The following TJP3 variants were observed in gnomAD, a reference collection of about 807,000 sequenced individuals.
TJP3 encodes tight junction protein ZO-3.
A neutral mutation model predicts 104.2 loss-of-function variants in TJP3; 85 were observed. The ratio of observed to expected loss-of-function variants is 0.82; its 90% CI spans 0.68 to 0.98. The LOEUF is 0.98. Among genes scored for constraint, TJP3 ranks in the 50% least tolerant of loss-of-function variants. The pLI is 0.00. For synonymous variants in TJP3, 550 were observed against 550.6 expected (o/e 1.00, Z 0.02); for missense variants, 1,367 against 1,322.8 (o/e 1.03, Z -0.52).
chr19:3,732,018 G>A lies in TJP3; in HGVS notation c.697G>A (p.Glu233Lys), dbSNP rs267605410. The A allele has an allele frequency of 6.2e-7, 1 of 1,612,954 alleles. No homozygotes were observed. The highest frequency in any genetic ancestry group is 8.5e-7 in the Non-Finnish European group (1 of 1,179,720). ...GGCTGCCCGGCACCGTGGGCTGCAG[G>A]AAGGAGATCTCATTCTACAGGTGAG... ...GLAARHRGLQ[E>K]GDLILQINGV... Residue 233 changes from glutamate to lysine, a missense_variant, in exon 6 of 21, where the codon GAA becomes AAA. Coordinates refer to ENST00000541714, the MANE Select transcript of TJP3 (RefSeq NM_001267560.2).
Position 3,734,426 on chromosome 19 carries a change from A to G in TJP3, c.977A>G (p.Asp326Gly). The part of the protein sequence containing the change: ...AQRSPEASQT[D>G]SPVESPRLRR... ...CGGAGCCCCGAGGCCAGCCAGACCG[A>G]CTCTCCCGTGTAAGTATCACCCATC... Residue 326 changes from aspartate to glycine, a missense_variant, in exon 8 of 21, where the codon GAC (aspartate) becomes GGC (glycine). Physicochemically the swap from Asp to Gly is moderately conservative, Grantham distance 94. Transcript: ENST00000541714. The G allele has an allele frequency of 6.2e-7, 1 of 1,606,768 alleles. No individual in the cohort carries two copies. Among genetic ancestry groups the G allele is most frequent in the Non-Finnish European group, 8.5e-7 (1 of 1,177,810 alleles).
Position 3,738,671 on chromosome 19 carries a change from C to T in TJP3, c.1393+8C>T, listed in dbSNP as rs146425324. ...CGCAGAGGAAGCAGGACAGTGAGTGCGCGTGGATATGGGTGTGCCTGTGTG... is the reference window on the plus strand; with the variant it reads ...CGCAGAGGAAGCAGGACAGTGAGTGTGCGTGGATATGGGTGTGCCTGTGTG... On this transcript the variant is annotated splice_region_variant and intron_variant, in intron 12 of 20. Coordinates refer to ENST00000541714, the MANE Select transcript of TJP3 (RefSeq NM_001267560.2). The T allele has an allele frequency of 8.9e-5, 143 of 1,609,516 alleles. 1 individual carries two copies. The East Asian group carries it at 2.5e-3, about 28-fold the overall frequency.
At chr19:3,717,839 G>T (rs1408818407) in intron 1 of TJP3, among the ~76,000 whole-genome samples, 1 of 150,770 alleles carries the variant, frequency 6.6e-6, no homozygotes, top group Non-Finnish European at 1.5e-5. Flanking sequence ...AGCCTCCACC[G>T]CCTGGGCTCA....
chr19:3,724,685 T>A (rs1018534760), intron 1 of TJP3, among the ~76,000 whole-genome samples: 12 of 152,146 alleles, frequency 7.9e-5, no homozygotes, highest in African/African-American at 2.9e-4. Flanking sequence ...CACAGGTGCA[T>A]GCCACCATGC....
At position 3,748,095 on chromosome 19, in the gene TJP3, G is replaced by A. The variant is rs751862731; in HGVS notation, c.2610+14G>A. 4.5e-6 allele frequency: 7 copies of A among 1,539,946 alleles called. No homozygotes were observed. The highest frequency in any genetic ancestry group is 2.7e-5 in the African/African-American group (2 of 73,170). On this transcript the variant is annotated intron_variant, in intron 19 of 20. Transcript: ENST00000541714. ...CAGGGGGCCCAGGTGCGTCGGACAT[G>A]GGGGGCAGGCCTGGGAAGGGTCTCC...
At position 3,736,293 on chromosome 19, in the gene TJP3, G is replaced by T; in HGVS notation, c.1256G>T (p.Gly419Val). 1 of 1,538,490 alleles carries T rather than the reference G, an allele frequency of 6.5e-7. No homozygotes were observed. Reference protein sequence around the residue: ...VQAGSPADGQGIQEGDQILQV... With the variant: ...VQAGSPADGQVIQEGDQILQV... Reference sequence around the variant, plus strand: ...GCGGGCAGCCCGGCCGACGGGCAGGGCATCCAGGAGGGAGATCAGATTCTG... The same window carrying T: ...GCGGGCAGCCCGGCCGACGGGCAGGTCATCCAGGAGGGAGATCAGATTCTG... The change falls in exon 11 of 21, where the codon GGC becomes GTC. Residue 419 changes from glycine (G) to valine (V), a missense_variant. Coordinates refer to ENST00000541714, the MANE Select transcript of TJP3 (RefSeq NM_001267560.2).
Position 3,736,142 on chromosome 19 carries a change from C to G in TJP3, c.1128-23C>G, listed in dbSNP as rs2036735771. ...CTTTGTCCGCCCACTCTGCTCTGAC[C>G]CCATCTCTGCCTCCCCTTGCAGGTA... On this transcript the variant is annotated intron_variant, in intron 10 of 20. Coordinates refer to ENST00000541714, the MANE Select transcript of TJP3 (RefSeq NM_001267560.2). 6 of 1,570,466 alleles carry G rather than the reference C, an allele frequency of 3.8e-6. No individual in the cohort carries two copies. The East Asian group carries it at 1.1e-4, about 29-fold the overall frequency.
At position 3,736,652 on chromosome 19, in the gene TJP3, C is replaced by T. The variant is rs150648143; in HGVS notation, c.1284+331C>T. Among the ~76,000 whole-genome samples the T allele has an allele frequency of 3.9e-3, 579 of 149,510 alleles. 1 individual carries two copies. Among genetic ancestry groups the T allele is most frequent in the African/African-American group, 0.013 (544 of 40,684 alleles). On this transcript the variant is annotated intron_variant, in intron 11 of 20. Coordinates refer to ENST00000541714, the MANE Select transcript of TJP3 (RefSeq NM_001267560.2). ...GTGCAATGGTGTGATCTTGGCTCAC[C>T]GCAACCTCTGCCTCCCAGGTTCAAG...
chr19:3,721,617 G>C (rs2036542542), intron 1 of TJP3: 1 of 286,064 alleles, frequency 3.5e-6, no homozygotes, highest in Non-Finnish European at 6.5e-6. Flanking sequence ...TGGAGTTTCC[G>C]CCTCAGGACC....
chr19:3,724,234 C>T (rs544752087), intron 1 of TJP3, among the ~76,000 whole-genome samples: 48 of 151,820 alleles, frequency 3.2e-4, no homozygotes, highest in Non-Finnish European at 2.4e-4. Context: ...TTCCCTCTGT[C>T]GCCCAGGCTG....
chr19:3,721,962 TGG>T, intron 1 of TJP3: 1 of 448,864 alleles, frequency 2.2e-6, no homozygotes, highest in Non-Finnish European at 3.5e-6. Flanking sequence ...TGAGGTGGGG[TGG>T]GGGGAAAGCA....
rs149440570 is a variant in TJP3, at chr19:3,747,984, C to T, written c.2513C>T (p.Pro838Leu). 413 of 1,611,884 alleles carry T rather than the reference C, an allele frequency of 2.6e-4. 3 individuals are homozygous for T. In the African/African-American group the frequency reaches 4.8e-3, roughly 19 times the overall value. ...TACACGGATGTGGATGATGAGCCCC[C>T]GGCTCCAGCCCTGGCCCGGTCCTCG... ...GPYTDVDDEPPAPALARSSEP... is the reference protein window; with the variant it reads ...GPYTDVDDEPLAPALARSSEP... Residue 838 changes from proline (P) to leucine (L), a missense_variant, in exon 19 of 21, where the codon CCG (proline) becomes CTG (leucine). Coordinates refer to ENST00000541714, the MANE Select transcript of TJP3 (RefSeq NM_001267560.2).
Position 3,747,958 on chromosome 19 carries a change from C to G in TJP3, c.2487C>G (p.Pro829=). The G allele has an allele frequency of 6.2e-7, 1 of 1,612,970 alleles. No homozygotes were observed. The highest frequency in any genetic ancestry group is 8.5e-7 in the Non-Finnish European group (1 of 1,179,814). The change falls in exon 19 of 21, where the codon CCC becomes CCG. Residue 829 remains proline (P), a synonymous_variant. Coordinates refer to ENST00000541714, the MANE Select transcript of TJP3 (RefSeq NM_001267560.2). ...GCTACACAGACGGCGAGGGGGGGCC[C>G]TACACGGATGTGGATGATGAGCCCC... ...GEGYTDGEGG[P]YTDVDDEPPA... is the part of the protein sequence containing the mutation.
rs1416580622 is a variant in TJP3, at chr19:3,728,859, C to A, written c.158+146C>A. 4.5e-5 allele frequency: 36 copies of A among 805,630 alleles called. 1 individual carries two copies. The highest frequency in any genetic ancestry group is 7.2e-4 in the Middle Eastern group (2 of 2,764). The allele number at this position is 805,630 out of a possible 1,614,324, so 49.9% of individuals were successfully genotyped here. On this transcript the variant is annotated intron_variant, in intron 3 of 20. Coordinates refer to ENST00000541714, the MANE Select transcript of TJP3 (RefSeq NM_001267560.2). ...CCTGAGTTCAGGAGTTTGAGACCAG[C>A]CTGGCCAACATGGTGAAACCCCGTC...
At position 3,719,684 on chromosome 19, in the gene TJP3, C is replaced by T. The variant is rs1315039984; in HGVS notation, c.-9-8740C>T. ...CCGGGAGGCGGAGCTTGCAGTGAGC[C>T]GAGATCGTGCCTGCAGTCCAGCTGG... On this transcript the variant is annotated intron_variant, in intron 1 of 20. Coordinates refer to ENST00000541714, the MANE Select transcript of TJP3 (RefSeq NM_001267560.2). Among the ~76,000 whole-genome samples the T allele has an allele frequency of 3.5e-5, 5 of 144,526 alleles. 1 individual carries two copies. In the East Asian group the frequency reaches 8.0e-4, roughly 23 times the overall value. 94.8% of individuals were successfully genotyped at this position (144,526 alleles called of 152,430 possible).
chr19:3,739,140 G>A lies in TJP3; in HGVS notation c.1631+6G>A, dbSNP rs1449949008. The A allele has an allele frequency of 1.3e-6, 2 of 1,527,954 alleles. No homozygotes were observed. Among genetic ancestry groups the A allele is most frequent in the South Asian group, 2.5e-5 (2 of 79,844 alleles). The allele number at this position is 1,527,954 out of a possible 1,614,324, so 94.6% of individuals were successfully genotyped here. On this transcript the variant is annotated splice_donor_region_variant and intron_variant, in intron 13 of 20. Transcript: ENST00000541714. The stretch of plus-strand genomic sequence containing the variant: ...ATCATTCCCAACCAGAGCAGGTGGG[G>A]ACTGTGTGCTCCTGCAGTGGGGCAC...
In TJP3 at chr19:3,747,732, G is replaced by A. The variant is rs2036918709; in HGVS notation, c.2323-62G>A. 6 of 1,461,774 alleles carry A rather than the reference G, an allele frequency of 4.1e-6. No homozygotes were observed. In the Admixed American group the frequency reaches 1.4e-4, roughly 35 times the overall value. The allele number at this position is 1,461,774 out of a possible 1,614,324, so 90.6% of individuals were successfully genotyped here. A position where few individuals can be genotyped will look rare whatever the true frequency, so the allele number is the denominator to read the frequency against. On this transcript the variant is annotated intron_variant, in intron 18 of 20. Transcript: ENST00000541714. The stretch of plus-strand genomic sequence containing the variant: ...GACCAGAGTTTGAAGGTGGGGGGAT[G>A]TCGTGGGTGGCAGCTGGGGTCCTGG...
Position 3,746,879 on chromosome 19 carries a change from A to C in TJP3, c.2322+3A>C. The stretch of plus-strand genomic sequence containing the variant: ...CCATCTGGACGGCGGAAGATCAGGT[A>C]CTGCCGCGGTGTGGGTGGGTCGGGC... On this transcript the variant is annotated splice_donor_region_variant and intron_variant, in intron 18 of 20. Transcript: ENST00000541714. This position sits in a 1 kb window ranked among gnomAD's most constrained non-coding sequence, Gnocchi z 4.1. 1 of 1,582,662 alleles carries C rather than the reference A, an allele frequency of 6.3e-7. No homozygotes were observed. The highest frequency in any genetic ancestry group is 8.6e-7 in the Non-Finnish European group (1 of 1,161,344).
chr19:3,750,660 CTG>C lies in TJP3; in HGVS notation c.2737_2738del (p.Trp913GlyfsTer5). 1 of 1,604,548 alleles carries C rather than the reference CTG, an allele frequency of 6.2e-7. No homozygotes were observed. The highest frequency in any genetic ancestry group is 8.5e-7 in the Non-Finnish European group (1 of 1,175,570). On this transcript the variant is annotated frameshift_variant, in exon 21 of 21. Coordinates refer to ENST00000541714, the MANE Select transcript of TJP3 (RefSeq NM_001267560.2). LOFTEE classifies it high-confidence loss of function. ...AGTCCTCCGATGAAGACGGCTATGA[CTG>C]GGGTCCGGCCACTGACCTGTGACCT... ...AESSDEDGYD[W>X]GPATDL
Sources: allele counts gnomAD v4.1 joint callset (sites outside exome capture counted in the v4.1 genomes callset), GRCh38; gene constraint gnomAD v4.1.1; non-coding constraint Gnocchi (gnomAD v3.1); transcripts MANE v1.5; gene names NCBI Gene and HGNC (gene_info 2026-07-23, HGNC 2026-07-21).